The following KCNJ1 variants were observed in gnomAD, a reference collection of about 807,000 sequenced individuals.
KCNJ1 encodes potassium inwardly rectifying channel subfamily J member 1, also known as ATP-sensitive inward rectifier potassium channel 1.
KCNJ1 carries 24 observed loss-of-function variants against 21.9 expected under a neutral mutation model. The ratio of observed to expected loss-of-function variants is 1.10; its 90% CI spans 0.79 to 1.54. The LOEUF (loss-of-function observed/expected upper bound fraction) is 1.54, where lower values mean the gene tolerates loss of function less well. KCNJ1 is among the 40% of genes most tolerant of loss of function. KCNJ1 has a pLI of 0.00. For synonymous variants in KCNJ1, 152 were observed against 160.9 expected, an observed-to-expected ratio of 0.94 and a Z score of 0.42; for missense variants, 457 against 455.4, an observed-to-expected ratio of 1.00 and a Z score of -0.03.
intron 2 of KCNJ1, among the ~76,000 whole-genome samples, chr11:128,848,070 C>T (rs1187372886): frequency 2.6e-5 from 4 of 151,822 alleles, no homozygotes; most frequent in Admixed American, 2.0e-4. Context: ...GGGTGGATCA[C>T]GAGGTCAGGA....
intron 1 of KCNJ1, among the ~76,000 whole-genome samples, chr11:128,851,837 T>TA (rs1291465074): frequency 1.3e-4 from 20 of 152,186 alleles, no homozygotes; most frequent in African/African-American, 4.8e-4. Flanking sequence ...ACTCGGAGAC[T>TA]AGTATTCATT....
At chr11:128,854,961 A>C (rs1943557802) in intron 1 of KCNJ1, among the ~76,000 whole-genome samples, 1 of 152,188 alleles carries the variant, frequency 6.6e-6, no homozygotes, top group Non-Finnish European at 1.5e-5. Context: ...CTCCCCACTG[A>C]GTCTCTGGCC....
intron 1 of KCNJ1, among the ~76,000 whole-genome samples, chr11:128,852,841 G>T (rs1943500594): frequency 1.3e-5 from 2 of 152,252 alleles, no homozygotes; most frequent in African/African-American, 2.4e-5. Flanking sequence ...CAAGCAGGAA[G>T]GGGGGCATCC....
intron 2 of KCNJ1, among the ~76,000 whole-genome samples, chr11:128,849,466 GT>G (rs993923638): frequency 3.3e-5 from 5 of 152,194 alleles, no homozygotes; most frequent in Non-Finnish European, 5.9e-5. Context: ...GGAGGGGACA[GT>G]TTTCTGGGGT....
Position 128,839,324 on chromosome 11 carries a change from G to A in KCNJ1, c.920C>T (p.Ala307Val). ...TTCCTTTGTCTTGGATACTATGGGA[G>A]CAAAACGGTAGCCCCAAAGCACCTC... Reference protein sequence around the residue: ...PEEVLWGYRFAPIVSKTKEGK... With the variant: ...PEEVLWGYRFVPIVSKTKEGK... Residue 307 changes from alanine (A) to valine (V), a missense_variant, in exon 3 of 3, where the codon GCT becomes GTT. Transcript: ENST00000392666. 6.2e-7 allele frequency: 1 copy of A among 1,614,146 alleles called. No homozygotes were observed.
Position 128,842,580 on chromosome 11 carries a change from C to T in KCNJ1, c.-21-2316G>A, listed in dbSNP as rs148983839. ...TGATAGTGGAGTCGTGTGATTTAAACCAAGGCAATTGGTTGTTCTCAGACC... is the reference window on the plus strand; with the variant it reads ...TGATAGTGGAGTCGTGTGATTTAAATCAAGGCAATTGGTTGTTCTCAGACC... On this transcript the variant is annotated intron_variant, in intron 2 of 2. Transcript: ENST00000392666. 15,252 of 1,460,968 alleles carry T rather than the reference C, an allele frequency of 0.01. 149 individuals are homozygous for T. The highest frequency in any genetic ancestry group is 0.011 in the Non-Finnish European group (11,657 of 1,099,132). The allele number at this position is 1,460,968 out of a possible 1,614,324, so 90.5% of individuals were successfully genotyped here.
At chr11:128,856,829 G>T (rs1251168864) in intron 1 of KCNJ1, among the ~76,000 whole-genome samples, 1 of 151,942 alleles carries the variant, frequency 6.6e-6, no homozygotes, top group Non-Finnish European at 1.5e-5. Context: ...TCCTCTGCTT[G>T]CCAGGCCACC....
intron 2 of KCNJ1, chr11:128,842,293 G>T: frequency 7.2e-7 from 1 of 1,398,292 alleles, no homozygotes; most frequent in Non-Finnish European, 1.0e-6. Context: ...TTGATCACTT[G>T]AATAACGTTG....
At chr11:128,864,397 G>C (rs1020207563) in intron 1 of KCNJ1, among the ~76,000 whole-genome samples, 2 of 151,744 alleles carry the variant, frequency 1.3e-5, no homozygotes, top group African/African-American at 4.8e-5. Flanking sequence ...ACTTTTCTAG[G>C]GGTCTATCTT....
chr11:128,840,346 T>A, intron 2 of KCNJ1, 82 bp from the exon 3 acceptor site: 1 of 1,303,172 alleles, frequency 7.7e-7, no homozygotes, highest in Non-Finnish European at 1.1e-6. Context: ...AAGACCTAAC[T>A]ACGAAAAGAT....
intron 1 of KCNJ1, among the ~76,000 whole-genome samples, chr11:128,862,607 C>T (rs1461640566): frequency 6.6e-6 from 1 of 152,232 alleles, no homozygotes. Flanking sequence ...CATGCAGCCA[C>T]TCTTGTACCT....
chr11:128,862,262 A>G (rs1261759881), intron 1 of KCNJ1, among the ~76,000 whole-genome samples: 1 of 152,186 alleles, frequency 6.6e-6, no homozygotes, highest in African/African-American at 2.4e-5. Context: ...ACTCTCTGGC[A>G]GCCTCCGTCC....
chr11:128,860,805 A>G (rs1323568586), intron 1 of KCNJ1, among the ~76,000 whole-genome samples: 2 of 144,504 alleles, frequency 1.4e-5, no homozygotes, highest in African/African-American at 5.8e-5. Context: ...CCTGAAGGCC[A>G]GAGACCCAGC....
In KCNJ1 at chr11:128,840,150, T is replaced by C; in HGVS notation, c.94A>G (p.Ile32Val). The C allele has an allele frequency of 6.2e-6, 10 of 1,614,204 alleles. No individual in the cohort carries two copies. Among genetic ancestry groups the C allele is most frequent in the Non-Finnish European group, 8.5e-6 (10 of 1,180,046 alleles). ...TGTGCCTCCACATTGCCAAATTCTATGTTGCACCTTCCATCTTTGGAGACT... is the reference window on the plus strand; with the variant it reads ...TGTGCCTCCACATTGCCAAATTCTACGTTGCACCTTCCATCTTTGGAGACT... ...RLVSKDGRCN[I>V]EFGNVEAQSR... The change falls in exon 3 of 3, where the codon ATA (isoleucine) becomes GTA (valine). Residue 32 changes from isoleucine (I) to valine (V), a missense_variant. Physicochemically the swap from Ile to Val is conservative, Grantham distance 29 (BLOSUM62 3). Coordinates refer to ENST00000392666, the MANE Select transcript of KCNJ1 (RefSeq NM_153766.3).
intron 2 of KCNJ1, among the ~76,000 whole-genome samples, chr11:128,840,954 C>T (rs1943272421): frequency 6.6e-6 from 1 of 152,190 alleles, no homozygotes; most frequent in South Asian, 2.1e-4. Context: ...GAGCTTCTAC[C>T]ACTCCGTGTC....
rs868669097 is a variant in KCNJ1, at chr11:128,839,942, G to A, written c.302C>T (p.Pro101Leu). Residue 101 changes from proline (P) to leucine (L), a missense_variant, in exon 3 of 3, where the codon CCC (proline) becomes CTC (leucine). Coordinates refer to ENST00000392666, the MANE Select transcript of KCNJ1 (RefSeq NM_153766.3). ...PEFHPSANHT[P>L]CVENINGLTS... is the part of the protein sequence containing the mutation. ...CAAGCCATTAATATTCTCCACACAG[G>A]GAGTGTGATTGGCAGAAGGATGGAA... 6.2e-7 allele frequency: 1 copy of A among 1,613,924 alleles called. No individual in the cohort carries two copies. Among genetic ancestry groups the A allele is most frequent in the South Asian group, 1.1e-5 (1 of 91,072 alleles).
chr11:128,847,744 T>C (rs936603140), intron 2 of KCNJ1, among the ~76,000 whole-genome samples: 1 of 152,188 alleles, frequency 6.6e-6, no homozygotes, highest in Non-Finnish European at 1.5e-5. Context: ...CCGGGCAGGG[T>C]GTTTGTGAGG....
chr11:128,860,891 A>G (rs1477510380), intron 1 of KCNJ1, among the ~76,000 whole-genome samples: 2 of 152,214 alleles, frequency 1.3e-5, no homozygotes, highest in Non-Finnish European at 2.9e-5. Context: ...CTGGGAGACG[A>G]AGATCATGTC....
intron 1 of KCNJ1, among the ~76,000 whole-genome samples, chr11:128,863,325 T>C (rs1943753023): frequency 6.6e-6 from 1 of 152,082 alleles, no homozygotes; most frequent in Non-Finnish European, 1.5e-5. Context: ...AATGGAAAAA[T>C]CTGGCTTGTA....
Sources: gnomAD v4.1 joint callset for allele counts (sites outside exome capture counted in the v4.1 genomes callset) on GRCh38, gnomAD v4.1.1 for gene constraint, MANE v1.5 for transcripts, NCBI Gene and HGNC (gene_info 2026-07-23, HGNC 2026-07-21) for gene names.